Variants in HCN2 observed in about 807,000 individuals in gnomAD.
HCN2 encodes potassium/sodium hyperpolarization-activated cyclic nucleotide-gated channel 2.
In HCN2, 20 loss-of-function variants were observed where a neutral mutation model predicts 52.3. That is an observed-to-expected ratio of 0.38 (90% CI 0.27 to 0.56). The LOEUF (loss-of-function observed/expected upper bound fraction) is 0.56. Ranked by LOEUF, HCN2 falls within the 20% of genes least tolerant of loss-of-function variation. HCN2 has a pLI of 0.71. For synonymous variants in HCN2, 694 were observed against 537.0 expected (o/e 1.29, Z -4.04); for missense variants, 981 against 1,207.7 (o/e 0.81, Z 2.78).
chr19:605,026 A>C, intron 2 of HCN2, 35 bp from the exon 3 acceptor site: 1 of 1,580,446 alleles, frequency 6.3e-7, no homozygotes, highest in Non-Finnish European at 8.6e-7. Context: ...GCCGGGGGTC[A>C]GCGGGTAGGG....
chr19:599,583 T>G (rs572017293), intron 1 of HCN2, among the ~76,000 whole-genome samples: 2 of 149,150 alleles, frequency 1.3e-5, no homozygotes, highest in South Asian at 2.1e-4. Flanking sequence ...TTCGAGACCA[T>G]CCTGGCTAAC....
intron 1 of HCN2, among the ~76,000 whole-genome samples, chr19:596,962 C>T (rs112907328): frequency 6.6e-6 from 1 of 152,174 alleles, no homozygotes; most frequent in African/African-American, 2.4e-5. Context: ...GCTCTGGGGT[C>T]CCCTCTGCCC....
chr19:601,435 G>A (rs571852312), intron 1 of HCN2, among the ~76,000 whole-genome samples: 3 of 152,322 alleles, frequency 2.0e-5, no homozygotes, highest in Non-Finnish European at 2.9e-5. Flanking sequence ...TGGACGGGTC[G>A]CGCCGTGTTT....
At position 602,139 on chromosome 19, in the gene HCN2, CCTCCTGCGTGGACGCCCCACTTCCTCCT is replaced by C. The variant is rs1422657027; in HGVS notation, c.633-1383_633-1356del. ...GTGGACGCCCCACTCCCTCCTCTCTCCTCCTGCGTGGACGCCCCACTTCCTCCTCTCCTGCGTGGACGCCCCACTCCCT... is the reference window on the plus strand; with the variant it reads ...GTGGACGCCCCACTCCCTCCTCTCTCCTCCTGCGTGGACGCCCCACTCCCT... On this transcript the variant is annotated intron_variant, in intron 1 of 7. Transcript: ENST00000251287. 7.1e-4 allele frequency among the ~76,000 whole-genome samples: 97 copies of C among 136,074 alleles called. No individual in the cohort carries two copies. In the East Asian group the frequency reaches 7.5e-3, roughly 10 times the overall value. The allele number at this position is 136,074 out of a possible 152,430, so 89.3% of individuals were successfully genotyped here. A position where few individuals can be genotyped will look rare whatever the true frequency, so the allele number is the denominator to read the frequency against.
In HCN2 at chr19:614,056, C is replaced by CG. The variant is rs773264292; in HGVS notation, c.1990+45dup. ...GGCGTGGCCGGGGCGGGTGCCCTGGCGGGGGAGGGGCGTGGCCAAGGCATC... is the reference window on the plus strand; with the variant it reads ...GGCGTGGCCGGGGCGGGTGCCCTGGCGGGGGGAGGGGCGTGGCCAAGGCATC... On this transcript the variant is annotated intron_variant, in intron 7 of 7. Transcript: ENST00000251287. 137 of 1,285,966 alleles carry CG rather than the reference C, an allele frequency of 1.1e-4. 1 individual carries two copies. The highest frequency in any genetic ancestry group is 1.3e-4 in the African/African-American group (8 of 60,632). The allele number at this position is 1,285,966 out of a possible 1,614,324, so 79.7% of individuals were successfully genotyped here.
At position 616,475 on chromosome 19, in the gene HCN2, C is replaced by T. The variant is rs1016714692; in HGVS notation, c.*1C>T. 1.6e-5 allele frequency: 19 copies of T among 1,221,314 alleles called. No individual in the cohort carries two copies. The highest frequency in any genetic ancestry group is 1.4e-5 in the Non-Finnish European group (14 of 978,728). 75.7% of individuals were successfully genotyped at this position (1,221,314 alleles called of 1,614,324 possible). On this transcript the variant is annotated 3_prime_UTR_variant, in exon 8 of 8. Coordinates refer to ENST00000251287, the MANE Select transcript of HCN2 (RefSeq NM_001194.4). ...CTCGCGCCTCTCGTCCAACTTGTGACCCTCGCCGACCGCCCCGCGGGCCCA... is the reference window on the plus strand; with the variant it reads ...CTCGCGCCTCTCGTCCAACTTGTGATCCTCGCCGACCGCCCCGCGGGCCCA...
At position 591,020 on chromosome 19, in the gene HCN2, G is replaced by T. The variant is rs1159842777; in HGVS notation, c.632+443G>T. 6.6e-6 allele frequency: 1 copy of T among 152,294 alleles called. No homozygotes were observed. Among genetic ancestry groups the T allele is most frequent in the East Asian group, 1.9e-4 (1 of 5,176 alleles). 9.4% of individuals were successfully genotyped at this position (152,294 alleles called of 1,614,324 possible). A position where few individuals can be genotyped will look rare whatever the true frequency, so the allele number is the denominator to read the frequency against. ...TAAGCGGCTCCCACGGCGTCCACCC[G>T]CGCCCCGCCTGCGAGGAGGCGCGCC... On this transcript the variant is annotated intron_variant, in intron 1 of 7. Coordinates refer to ENST00000251287, the MANE Select transcript of HCN2 (RefSeq NM_001194.4). This position sits in a 1 kb window ranked among gnomAD's most constrained non-coding sequence, Gnocchi z 4.1.
rs751480058 is a variant in HCN2 at position 610,241 on chromosome 19, C to T, written c.1438-18C>T. The T allele has an allele frequency of 2.5e-5, 40 of 1,607,700 alleles. No homozygotes were observed. The highest frequency in any genetic ancestry group is 9.6e-5 in the African/African-American group (7 of 72,586). ...GGCCGGGGGCGGTGTCTGACCCAGC[C>T]TCGCCTCCTCCCCACAGTACAAGCA... On this transcript the variant is annotated intron_variant, in intron 4 of 7. Transcript: ENST00000251287.
intron 5 of HCN2, among the ~76,000 whole-genome samples, chr19:612,016 G>A (rs1177143255): frequency 1.3e-5 from 2 of 151,990 alleles, no homozygotes; most frequent in African/African-American, 2.4e-5. Context: ...GTGGTGGTGG[G>A]CGCCTGTAAT....
At chr19:601,738 C>T (rs902418005) in intron 1 of HCN2, among the ~76,000 whole-genome samples, 5 of 151,266 alleles carry the variant, frequency 3.3e-5, no homozygotes, top group Admixed American at 6.6e-5. Flanking sequence ...TTCTCGATAG[C>T]GAAAGGGTTG....
rs1568364677 is a variant in HCN2, at chr19:604,791, T to TGTGC, written c.1057-270_1057-269insGTGC. ...ACATCAGGGGTGGGGAGCTGTGGAT[T>TGTGC]TGGGGGGTGTCCTAGGGCGGGGGCT... On this transcript the variant is annotated intron_variant, in intron 2 of 7. Coordinates refer to ENST00000251287, the MANE Select transcript of HCN2 (RefSeq NM_001194.4). 9.2e-5 allele frequency among the ~76,000 whole-genome samples: 6 copies of TGTGC among 64,940 alleles called. No homozygotes were observed. In the Admixed American group the frequency reaches 9.7e-4, roughly 11 times the overall value. The allele number at this position is 64,940 out of a possible 152,430, so 42.6% of individuals were successfully genotyped here.
chr19:590,646 T>G lies in HCN2; in HGVS notation c.632+69T>G. 1 of 1,185,166 alleles carries G rather than the reference T, an allele frequency of 8.4e-7. No homozygotes were observed. The highest frequency in any genetic ancestry group is 1.1e-6 in the Non-Finnish European group (1 of 936,014). 73.4% of individuals were successfully genotyped at this position (1,185,166 alleles called of 1,614,324 possible). On this transcript the variant is annotated intron_variant, in intron 1 of 7. Transcript: ENST00000251287. This position sits in a 1 kb window ranked among gnomAD's most constrained non-coding sequence, Gnocchi z 7.2. Reference sequence around the variant, plus strand: ...AGCCGGGCGCGCGGGGAGCCGTCCTTGGAGCGCCTGGGGAGGGCGGGGCGG... The same window carrying G: ...AGCCGGGCGCGCGGGGAGCCGTCCTGGGAGCGCCTGGGGAGGGCGGGGCGG...
rs1161335269 is a variant in HCN2, at chr19:616,585, C to G, written c.*111C>G. ...CGCCAGTCCGCCCAGAAGCCATAGA[C>G]GAGACGTAGGTAGCCGTAGTTGGAC... is the stretch of plus-strand genomic sequence containing the variant. On this transcript the variant is annotated 3_prime_UTR_variant, in exon 8 of 8. Coordinates refer to ENST00000251287, the MANE Select transcript of HCN2 (RefSeq NM_001194.4). 2 of 636,688 alleles carry G rather than the reference C, an allele frequency of 3.1e-6. No homozygotes were observed. Among genetic ancestry groups the G allele is most frequent in the Non-Finnish European group, 4.2e-6 (2 of 478,756 alleles). The allele number at this position is 636,688 out of a possible 1,614,324, so 39.4% of individuals were successfully genotyped here. A position where few individuals can be genotyped will look rare whatever the true frequency, so the allele number is the denominator to read the frequency against.
intron 1 of HCN2, among the ~76,000 whole-genome samples, chr19:596,805 G>A (rs926611265): frequency 6.6e-6 from 1 of 152,082 alleles, no homozygotes; most frequent in African/African-American, 2.4e-5. Context: ...CCCTCTCTGG[G>A]GTCCTGTCTT....
chr19:607,536 C>G (rs1983463450), intron 3 of HCN2, among the ~76,000 whole-genome samples: 1 of 152,246 alleles, frequency 6.6e-6, no homozygotes, highest in African/African-American at 2.4e-5. Context: ...CGCGGCTCCC[C>G]TTTCCCGGCC....
chr19:605,706 GGC>G lies in HCN2; in HGVS notation c.1218+487_1218+488del, dbSNP rs1491369782. 3.0e-4 allele frequency among the ~76,000 whole-genome samples: 26 copies of G among 86,576 alleles called. 4 individuals are homozygous for G. Among genetic ancestry groups the G allele is most frequent in the South Asian group, 1.2e-3 (2 of 1,662 alleles). 56.8% of individuals were successfully genotyped at this position (86,576 alleles called of 152,430 possible). ...GGGCCCTTACAGAGGTGGGGACCCA[GGC>G]GCCCCCTTATGGAGGGGAGGACTCG... On this transcript the variant is annotated intron_variant, in intron 3 of 7. Coordinates refer to ENST00000251287, the MANE Select transcript of HCN2 (RefSeq NM_001194.4).
Position 590,033 on chromosome 19 carries a change from C to G in HCN2, c.88C>G (p.Pro30Ala), listed in dbSNP as rs952712117. 2.7e-4 allele frequency: 157 copies of G among 571,290 alleles called. No individual in the cohort carries two copies. The Admixed American group carries it at 5.9e-3, about 22-fold the overall frequency. The allele number at this position is 571,290 out of a possible 1,614,324, so 35.4% of individuals were successfully genotyped here. A position where few individuals can be genotyped will look rare whatever the true frequency, so the allele number is the denominator to read the frequency against. ...PGPPPPPPPA[P>A]PQQQPPPPPP... is the part of the protein sequence containing the mutation. ...GCCGCCGCCGCCGCCGCCGCCCGCG[C>G]CCCCCCAACAGCAGCCGCCGCCGCC... is the stretch of plus-strand genomic sequence containing the variant. Residue 30 changes from proline (P) to alanine (A), a missense_variant, in exon 1 of 8, where the codon CCC (proline) becomes GCC (alanine). Pro to Ala is a conservative substitution (Grantham distance 27). Transcript: ENST00000251287. The surrounding 1 kb of genome is among the most constrained non-coding windows in gnomAD (Gnocchi z 7.2).
intron 1 of HCN2, among the ~76,000 whole-genome samples, chr19:600,156 C>T (rs575658080): frequency 6.6e-6 from 1 of 152,010 alleles, no homozygotes; most frequent in African/African-American, 2.4e-5. Flanking sequence ...GGCCCCAGAG[C>T]CCAGAGGTTT....
Position 614,028 on chromosome 19 carries a change from G to GGGGGCGTGGCC in HCN2, c.1990+19_1990+29dup. 7.2e-7 allele frequency: 1 copy of GGGGGCGTGGCC among 1,387,694 alleles called. No homozygotes were observed. Among genetic ancestry groups the GGGGGCGTGGCC allele is most frequent in the Non-Finnish European group, 9.7e-7 (1 of 1,035,682 alleles). 86.0% of individuals were successfully genotyped at this position (1,387,694 alleles called of 1,614,324 possible). A position where few individuals can be genotyped will look rare whatever the true frequency, so the allele number is the denominator to read the frequency against. On this transcript the variant is annotated intron_variant, in intron 7 of 7. Coordinates refer to ENST00000251287, the MANE Select transcript of HCN2 (RefSeq NM_001194.4). ...CCTGGACCGCATCGGTGAGCGGGCCGGGGGCGTGGCCGGGGCGGGTGCCCT... is the reference window on the plus strand; with the variant it reads ...CCTGGACCGCATCGGTGAGCGGGCCGGGGGCGTGGCCGGGGCGTGGCCGGGGCGGGTGCCCT...
Sources: gnomAD v4.1 joint callset for allele counts (sites outside exome capture counted in the v4.1 genomes callset) on GRCh38, gnomAD v4.1.1 for gene constraint, Gnocchi (gnomAD v3.1) non-coding constraint, MANE v1.5 for transcripts, NCBI Gene and HGNC (gene_info 2026-07-23, HGNC 2026-07-21) for gene names.